ADAMTSL1: variants seen among roughly 807,000 people sequenced by gnomAD.
ADAMTSL1 encodes the protein ADAMTS-like protein 1.
Under a neutral mutation model 201.8 loss-of-function variants are expected in ADAMTSL1, and 126 were observed. The observed-to-expected ratio is 0.62, with a 90% confidence interval of 0.54 to 0.72. The LOEUF is 0.72. ADAMTSL1 is among the 30% of genes least tolerant of loss of function. ADAMTSL1 has a pLI of 0.00. For missense variants in ADAMTSL1, 2,679 were observed against 2,277.8 expected, an observed-to-expected ratio of 1.18 and a Z score of -3.59; for synonymous variants, 1,121 against 903.4, an observed-to-expected ratio of 1.24 and a Z score of -4.32.
chr9:18,264,716 A>C (rs1832051941), intron 2 of ADAMTSL1, among the ~76,000 whole-genome samples: 1 of 152,240 alleles, frequency 6.6e-6, no homozygotes, highest in African/African-American at 2.4e-5. Context: ...ATTATAAAGC[A>C]TACCTACCAA....
intron 17 of ADAMTSL1, among the ~76,000 whole-genome samples, chr9:18,775,058 T>TTTA (rs916331908): frequency 9.3e-5 from 12 of 129,640 alleles, no homozygotes; most frequent in Middle Eastern, 3.6e-3. Context: ...GTCTTTTTTT[T>TTTA]TTATTATTAT....
At chr9:17,949,596 C>A (rs779345977) in intron 1 of ADAMTSL1, among the ~76,000 whole-genome samples, 20 of 152,280 alleles carry the variant, frequency 1.3e-4, no homozygotes, top group Non-Finnish European at 1.9e-4. Context: ...CCAAGCCAGA[C>A]CAGCCTAGTT....
Position 18,240,251 on chromosome 9 carries a change from A to T in ADAMTSL1, c.207+76270A>T, listed in dbSNP as rs560596461. 6.3e-4 allele frequency among the ~76,000 whole-genome samples: 96 copies of T among 152,320 alleles called. 1 individual carries two copies. The highest frequency in any genetic ancestry group is 2.2e-3 in the African/African-American group (93 of 41,576). On this transcript the variant is annotated intron_variant, in intron 2 of 29. Transcript: ENST00000680146. Reference sequence around the variant, plus strand: ...CAGAATGGATGTTGTATTAGCAGGCATGGAAACAACTCTTATCTCCTTACA... The same window carrying T: ...CAGAATGGATGTTGTATTAGCAGGCTTGGAAACAACTCTTATCTCCTTACA...
chr9:18,145,548 G>A (rs1016166426), intron 1 of ADAMTSL1, among the ~76,000 whole-genome samples: 2 of 152,114 alleles, frequency 1.3e-5, no homozygotes, highest in African/African-American at 4.8e-5. Context: ...TTGGATATTC[G>A]AAACATGCAA....
intron 2 of ADAMTSL1, among the ~76,000 whole-genome samples, chr9:18,532,474 T>C (rs554710361): frequency 2.0e-5 from 3 of 152,026 alleles, no homozygotes; most frequent in Non-Finnish European, 4.4e-5. Flanking sequence ...TGACAAATAA[T>C]GAAAGAATAA....
In ADAMTSL1 at chr9:18,706,851, C is replaced by T. The variant is rs1283351676; in HGVS notation, c.1679C>T (p.Ala560Val). The T allele has an allele frequency of 1.9e-6, 3 of 1,613,236 alleles. No homozygotes were observed. The highest frequency in any genetic ancestry group is 1.7e-5 in the Admixed American group (1 of 59,952). Residue 560 changes from alanine (A) to valine (V), a missense_variant, in exon 14 of 29, where the codon GCT (alanine) becomes GTT (valine). Coordinates refer to ENST00000380548, the MANE Select transcript of ADAMTSL1 (RefSeq NM_001040272.6). ...QVLLSFSQSVADLPIDECEGP... is the reference protein window; with the variant it reads ...QVLLSFSQSVVDLPIDECEGP... ...CTCCTGTCTTTCTCTCAGTCCGTGG[C>T]TGACCTGCCTATTGACGAGTGTGAA... is the stretch of plus-strand genomic sequence containing the variant.
Position 18,722,880 on chromosome 9 carries a change from G to A in ADAMTSL1, c.2006+1215G>A, listed in dbSNP as rs1224342302. 3 of 682,094 alleles carry A rather than the reference G, an allele frequency of 4.4e-6. No homozygotes were observed. The East Asian group carries it at 8.1e-5, about 18-fold the overall frequency. 42.3% of individuals were successfully genotyped at this position (682,094 alleles called of 1,614,324 possible). On this transcript the variant is annotated intron_variant, in intron 15 of 28. Transcript: ENST00000380548. The stretch of plus-strand genomic sequence containing the variant: ...TCAGGTCCTGTACATGAAATCCTGA[G>A]TAACCTCGTTTTCTATCCCTGCCCC...
intron 25 of ADAMTSL1, among the ~76,000 whole-genome samples, chr9:18,891,639 G>T (rs1200296052): frequency 6.6e-6 from 1 of 152,214 alleles, no homozygotes; most frequent in Non-Finnish European, 1.5e-5. Context: ...AGAGGTATAA[G>T]ACCTATGGAC....
intron 23 of ADAMTSL1, among the ~76,000 whole-genome samples, chr9:18,860,506 C>CT (rs1827143105): frequency 7.7e-6 from 1 of 130,282 alleles, no homozygotes; most frequent in African/African-American, 3.8e-5. Context: ...CTATCTGGCC[C>CT]TTAAAAAAAA....
chr9:18,535,561 C>G (rs1819715014), intron 3 of ADAMTSL1, among the ~76,000 whole-genome samples: 1 of 152,186 alleles, frequency 6.6e-6, no homozygotes, highest in African/African-American at 2.4e-5. Flanking sequence ...ATCCTTATAG[C>G]AGCACCCCAC....
intron 15 of ADAMTSL1, among the ~76,000 whole-genome samples, chr9:18,750,916 T>C (rs1377867601): frequency 6.6e-6 from 1 of 152,192 alleles, no homozygotes; most frequent in Non-Finnish European, 1.5e-5. Flanking sequence ...TCCTTAAGAC[T>C]CTCTGGGTAT....
At chr9:18,242,803 A>G (rs1297544925) in intron 2 of ADAMTSL1, among the ~76,000 whole-genome samples, 2 of 152,110 alleles carry the variant, frequency 1.3e-5, no homozygotes, top group African/African-American at 2.4e-5. Context: ...GAGGTGAACA[A>G]TCTCTACACT....
intron 1 of ADAMTSL1, among the ~76,000 whole-genome samples, chr9:18,115,401 G>A (rs1386819577): frequency 6.6e-6 from 1 of 152,112 alleles, no homozygotes; most frequent in Non-Finnish European, 1.5e-5. Context: ...TCAGAGATGA[G>A]CTTTAGAGAG....
chr9:18,563,603 C>G (rs199689752), intron 3 of ADAMTSL1, among the ~76,000 whole-genome samples: 1 of 152,190 alleles, frequency 6.6e-6, no homozygotes, highest in Non-Finnish European at 1.5e-5. Flanking sequence ...CTGCTGAAGC[C>G]GCACCCACAG....
intron 4 of ADAMTSL1, among the ~76,000 whole-genome samples, chr9:18,589,688 G>T (rs1267702938): frequency 6.6e-6 from 1 of 152,070 alleles, no homozygotes; most frequent in Non-Finnish European, 1.5e-5. Context: ...TTTCTGTTCA[G>T]TATGTTAGCT....
At chr9:18,878,308 A>G (rs78238391) in intron 23 of ADAMTSL1, among the ~76,000 whole-genome samples, 3,053 of 152,332 alleles carry the variant, frequency 0.02, 109 homozygotes, top group African/African-American at 0.07. Context: ...GATTCTGTCC[A>G]GGAAACTTCA....
intron 2 of ADAMTSL1, among the ~76,000 whole-genome samples, chr9:18,342,170 C>T (rs1835492079): frequency 6.6e-6 from 1 of 152,228 alleles, no homozygotes; most frequent in Non-Finnish European, 1.5e-5. Context: ...ATACGTGGGG[C>T]TAGTCCCTGA....
chr9:18,799,143 G>A (rs888523721), intron 20 of ADAMTSL1, among the ~76,000 whole-genome samples: 2 of 152,160 alleles, frequency 1.3e-5, no homozygotes, highest in African/African-American at 4.8e-5. Flanking sequence ...CACTTAGCTG[G>A]ATGCCTGTTT....
chr9:18,088,995 C>A (rs563621773), intron 1 of ADAMTSL1, among the ~76,000 whole-genome samples: 15 of 152,182 alleles, frequency 9.9e-5, no homozygotes, highest in African/African-American at 3.4e-4. Flanking sequence ...AAATGTCTAT[C>A]AACAGATGAA....
Sources: allele counts gnomAD v4.1 joint callset (sites outside exome capture counted in the v4.1 genomes callset), GRCh38; gene constraint gnomAD v4.1.1; transcripts MANE v1.5; gene names NCBI Gene and HGNC (gene_info 2026-07-23, HGNC 2026-07-21).